Variants in CNTN3 observed in about 807,000 individuals in gnomAD.
CNTN3 encodes contactin-3.
Under a neutral mutation model 119.1 loss-of-function variants are expected in CNTN3, and 60 were observed. That is an observed-to-expected ratio of 0.50 (90% CI 0.41 to 0.62). The LOEUF is 0.62. Among genes scored for constraint, CNTN3 ranks in the 20% least tolerant of loss-of-function variants. The probability of loss-of-function intolerance (pLI) is 0.00; values close to 1 mark genes in which losing one functional copy is unlikely to be tolerated. For synonymous variants in CNTN3, 450 were observed against 438.7 expected (o/e 1.03, Z -0.32); for missense variants, 1,101 against 1,242.4 (o/e 0.89, Z 1.71).
chr3:74,456,285 T>TA (rs1702268235), intron 4 of CNTN3, among the ~76,000 whole-genome samples: 1 of 152,072 alleles, frequency 6.6e-6, no homozygotes, highest in African/African-American at 2.4e-5. Flanking sequence ...CATGTTTAGT[T>TA]AGTTACTTTT....
Position 74,266,551 on chromosome 3 carries a change from A to G in CNTN3, c.2916T>C (p.Ile972=). The G allele has an allele frequency of 1.2e-6, 2 of 1,613,650 alleles. No homozygotes were observed. Among genetic ancestry groups the G allele is most frequent in the Non-Finnish European group, 8.5e-7 (1 of 1,179,644 alleles). The change falls in exon 22 of 23, where the codon ATT becomes ATC. Residue 972 remains isoleucine, a synonymous_variant. Coordinates refer to ENST00000263665, the MANE Select transcript of CNTN3 (RefSeq NM_020872.3). The part of the protein sequence containing the change: ...LVLPIKEDYI[I]EVKATTDGGD... ...CTCCATCTGTTGTGGCCTTGACTTC[A>G]ATAATGTAGTCCTCTTTAATGGGCA...
At chr3:74,575,106 G>A (rs1704393437) in intron 1 of CNTN3, among the ~76,000 whole-genome samples, 1 of 151,752 alleles carries the variant, frequency 6.6e-6, no homozygotes, top group Non-Finnish European at 1.5e-5. Flanking sequence ...TTTTATTTTT[G>A]TAGAGACAGG....
rs1429128158 is a variant in CNTN3, at chr3:74,312,374, T to A, written c.1669-9567A>T. ...GGGAGGCTGAGGCAGGAGAATGGCA[T>A]GAACCCGGGAGGCGGAGCTTGCAGT... On this transcript the variant is annotated intron_variant, in intron 13 of 22. Coordinates refer to ENST00000263665, the MANE Select transcript of CNTN3 (RefSeq NM_020872.3). Among the ~76,000 whole-genome samples the A allele has an allele frequency of 2.9e-5, 4 of 139,942 alleles. No individual in the cohort carries two copies. In the East Asian group the frequency reaches 6.9e-4, roughly 24 times the overall value. The allele number at this position is 139,942 out of a possible 152,430, so 91.8% of individuals were successfully genotyped here.
intron 4 of CNTN3, among the ~76,000 whole-genome samples, chr3:74,447,728 A>G (rs1559606657): frequency 2.0e-5 from 3 of 152,198 alleles, no homozygotes; most frequent in Admixed American, 6.6e-5. Context: ...GACAAATGAC[A>G]TAATATGCAG....
intron 1 of CNTN3, among the ~76,000 whole-genome samples, chr3:74,605,402 T>C (rs1332844940): frequency 6.6e-6 from 1 of 152,138 alleles, no homozygotes; most frequent in Non-Finnish European, 1.5e-5. Flanking sequence ...AATAAATATA[T>C]ATAATTTTCC....
chr3:74,370,775 T>A (rs968783809), intron 6 of CNTN3, among the ~76,000 whole-genome samples: 4 of 152,120 alleles, frequency 2.6e-5, no homozygotes, highest in African/African-American at 9.7e-5. Flanking sequence ...AATGGTTTCT[T>A]TAGTGATGAT....
intron 1 of CNTN3, among the ~76,000 whole-genome samples, chr3:74,589,716 A>T (rs1287058591): frequency 6.6e-6 from 1 of 151,078 alleles, no homozygotes; most frequent in Non-Finnish European, 1.5e-5. Flanking sequence ...CCAAATGTCC[A>T]ACAATGATAG....
rs529396690 is a variant in CNTN3, at chr3:74,315,140, T to C, written c.1669-12333A>G. ...CTAAAAGACACTCCTGCCAGTGCCATGACAGTTCACATATGCCATGGCAAC... is the reference window on the plus strand; with the variant it reads ...CTAAAAGACACTCCTGCCAGTGCCACGACAGTTCACATATGCCATGGCAAC... On this transcript the variant is annotated intron_variant, in intron 13 of 22. Coordinates refer to ENST00000263665, the MANE Select transcript of CNTN3 (RefSeq NM_020872.3). Among the ~76,000 whole-genome samples, 100 of 152,336 alleles carry C rather than the reference T, an allele frequency of 6.6e-4. 2 individuals carry two copies. Among genetic ancestry groups the C allele is most frequent in the African/African-American group, 2.4e-3 (98 of 41,578 alleles).
intron 1 of CNTN3, among the ~76,000 whole-genome samples, chr3:74,576,136 T>G (rs1336446833): frequency 6.6e-6 from 1 of 152,164 alleles, no homozygotes; most frequent in Non-Finnish European, 1.5e-5. Context: ...ATTCCCCTCC[T>G]TCCTTGTCTC....
At chr3:74,563,771 C>T (rs145383983) in intron 1 of CNTN3, among the ~76,000 whole-genome samples, 8 of 152,250 alleles carry the variant, frequency 5.3e-5, no homozygotes, top group African/African-American at 9.6e-5. Flanking sequence ...CTATTCACCA[C>T]ACCATTTCCT....
chr3:74,479,669 G>A (rs1244195147), intron 4 of CNTN3, among the ~76,000 whole-genome samples: 1 of 151,966 alleles, frequency 6.6e-6, no homozygotes. Context: ...ACGAAGATGT[G>A]GAATGTGGGT....
chr3:74,406,077 A>G (rs772147473), intron 5 of CNTN3, among the ~76,000 whole-genome samples: 5 of 152,112 alleles, frequency 3.3e-5, no homozygotes, highest in Non-Finnish European at 7.4e-5. Context: ...TTGCCGTTAT[A>G]ATGCTATGAG....
intron 1 of CNTN3, among the ~76,000 whole-genome samples, chr3:74,582,289 C>T (rs1327910183): frequency 6.6e-6 from 1 of 151,894 alleles, no homozygotes; most frequent in Non-Finnish European, 1.5e-5. Flanking sequence ...GCCTGTAGTC[C>T]CAGCTACTTG....
At chr3:74,312,300 CA>C (rs1702704455) in intron 13 of CNTN3, among the ~76,000 whole-genome samples, 1 of 151,284 alleles carries the variant, frequency 6.6e-6, no homozygotes, top group Admixed American at 6.6e-5. Context: ...AAAAAAAATA[CA>C]AAAAACTAGC....
chr3:74,567,383 C>T (rs1230392259), intron 1 of CNTN3, among the ~76,000 whole-genome samples: 7 of 128,488 alleles, frequency 5.4e-5, no homozygotes, highest in African/African-American at 2.1e-4. Context: ...TTGTTTTGAA[C>T]TCCTGGGCGC....
At chr3:74,289,127 TC>T (rs1008013675) in intron 19 of CNTN3, among the ~76,000 whole-genome samples, 1 of 152,190 alleles carries the variant, frequency 6.6e-6, no homozygotes, top group African/African-American at 2.4e-5. Flanking sequence ...CTCTGCCAAG[TC>T]CTTCTCCCCC....
chr3:74,420,008 C>T (rs1406949441), intron 5 of CNTN3, among the ~76,000 whole-genome samples: 1 of 152,196 alleles, frequency 6.6e-6, no homozygotes, highest in Non-Finnish European at 1.5e-5. Context: ...GATGCATGTC[C>T]AGTCTTCTAT....
At chr3:74,531,867 T>C (rs1703697756) in intron 1 of CNTN3, among the ~76,000 whole-genome samples, 1 of 151,940 alleles carries the variant, frequency 6.6e-6, no homozygotes, top group Non-Finnish European at 1.5e-5. Context: ...AGGTTCCTTC[T>C]AGTATGATGG....
At chr3:74,389,398 T>C (rs1704837373) in intron 5 of CNTN3, among the ~76,000 whole-genome samples, 1 of 152,128 alleles carries the variant, frequency 6.6e-6, no homozygotes, top group Admixed American at 6.6e-5. Flanking sequence ...GAAACAAACA[T>C]GATAAATAAA....
Sources: gnomAD v4.1 joint callset for allele counts (sites outside exome capture counted in the v4.1 genomes callset) on GRCh38, gnomAD v4.1.1 for gene constraint, MANE v1.5 for transcripts, NCBI Gene and HGNC (gene_info 2026-07-23, HGNC 2026-07-21) for gene names.